Variants in TBC1D4 observed in about 807,000 individuals in gnomAD.
The protein encoded by TBC1D4 is TBC (Tre-2, BUB2, CDC16) domain-containing protein.
TBC1D4 carries 121 observed loss-of-function variants against 142.5 expected under a neutral mutation model. That is an observed-to-expected ratio of 0.85 (90% CI 0.73 to 0.99). The LOEUF is 0.99. Ranked by LOEUF, TBC1D4 falls within the 50% of genes least tolerant of loss-of-function variation. TBC1D4 has a pLI of 0.00. For missense variants in TBC1D4, 1,475 were observed against 1,606.6 expected (o/e 0.92, Z 1.40); for synonymous variants, 630 against 628.2 (o/e 1.00, Z -0.04).
chr13:75,413,084 GA>G (rs1277186494), intron 1 of TBC1D4, among the ~76,000 whole-genome samples: 3 of 152,208 alleles, frequency 2.0e-5, no homozygotes, highest in South Asian at 4.1e-4. Context: ...GAGAGAAGCA[GA>G]TGGTGCCATC....
chr13:75,302,534 T>A (rs1397643021), intron 15 of TBC1D4, 133 bp from the exon 16 acceptor site: 1 of 1,010,202 alleles, frequency 9.9e-7, no homozygotes, highest in Non-Finnish European at 1.5e-6. Context: ...CCACACAATA[T>A]AATTGACAGA....
chr13:75,481,928 C>G lies in TBC1D4; in HGVS notation c.-161G>C. On this transcript the variant is annotated 5_prime_UTR_variant, in exon 1 of 21. Transcript: ENST00000377636. ...GAACTCCGCGCTTCAGCAGCCCTGCCCCATGCAGCACTTCCACGGGCGCGG... is the reference window on the plus strand; with the variant it reads ...GAACTCCGCGCTTCAGCAGCCCTGCGCCATGCAGCACTTCCACGGGCGCGG... The G allele has an allele frequency of 9.4e-7, 1 of 1,064,944 alleles. No homozygotes were observed. The highest frequency in any genetic ancestry group is 1.2e-6 in the Non-Finnish European group (1 of 819,748). 66.0% of individuals were successfully genotyped at this position (1,064,944 alleles called of 1,614,324 possible). A position where few individuals can be genotyped will look rare whatever the true frequency, so the allele number is the denominator to read the frequency against.
intron 7 of TBC1D4, among the ~76,000 whole-genome samples, chr13:75,338,042 G>A (rs73220087): frequency 0.049 from 7,383 of 152,164 alleles, 287 homozygotes; most frequent in Admixed American, 0.11. Flanking sequence ...GGAAGAATTA[G>A]CAATCCAAAT....
chr13:75,299,640 T>G, intron 16 of TBC1D4, 66 bp from the exon 17 acceptor site: 3 of 1,585,352 alleles, frequency 1.9e-6, no homozygotes, highest in Non-Finnish European at 2.6e-6. Context: ...ACAGTGAAAT[T>G]GCAATTCAGT....
intron 1 of TBC1D4, among the ~76,000 whole-genome samples, chr13:75,416,963 G>A (rs879202862): frequency 6.6e-6 from 1 of 152,164 alleles, no homozygotes; most frequent in South Asian, 2.1e-4. Context: ...ATCTTTGTTG[G>A]TTTACTGTGC....
At chr13:75,481,222 A>T (rs1412659762) in intron 1 of TBC1D4, 48 bp downstream of exon 1, 1 of 815,264 alleles carries the variant, frequency 1.2e-6, no homozygotes, top group Admixed American at 2.0e-5. Context: ...CTGCTCCCCG[A>T]TCCCCCAAGG....
chr13:75,474,300 C>T (rs1888538666), intron 1 of TBC1D4, among the ~76,000 whole-genome samples: 1 of 152,224 alleles, frequency 6.6e-6, no homozygotes, highest in Non-Finnish European at 1.5e-5. Flanking sequence ...TGGCTCACGC[C>T]TGTAATCCCA....
At chr13:75,308,251 T>G (rs1566361743) in intron 14 of TBC1D4, among the ~76,000 whole-genome samples, 1 of 152,246 alleles carries the variant, frequency 6.6e-6, no homozygotes, top group African/African-American at 2.4e-5. Flanking sequence ...AAATGTCACC[T>G]CCTTTCTTAA....
At chr13:75,307,681 A>C (rs1377987804) in intron 14 of TBC1D4, among the ~76,000 whole-genome samples, 1 of 152,230 alleles carries the variant, frequency 6.6e-6, no homozygotes, top group Admixed American at 6.5e-5. Context: ...CCATTTCAAA[A>C]GACTTAAAAT....
At chr13:75,375,998 C>A (rs1883485023) in intron 1 of TBC1D4, 1 of 152,138 alleles carries the variant, frequency 6.6e-6, no homozygotes. Flanking sequence ...GTATTCTTTT[C>A]ATAATGATCA....
chr13:75,341,129 G>C lies in TBC1D4; in HGVS notation c.1607C>G (p.Pro536Arg). The change falls in exon 7 of 21, where the codon CCT (proline) becomes CGT (arginine). Residue 536 changes from proline to arginine, a missense_variant. Coordinates refer to ENST00000377636, the MANE Select transcript of TBC1D4 (RefSeq NM_014832.5). ...AAGTAGGAAATATCTTCTCACAGAA[G>C]GGCCTTCCCCGATGTGCACGTGTGT... ...QKTHVHIGEG[P>R]STISNSTIPE... 1 of 1,612,792 alleles carries C rather than the reference G, an allele frequency of 6.2e-7. No individual in the cohort carries two copies. Among genetic ancestry groups the C allele is most frequent in the African/African-American group, 1.3e-5 (1 of 74,840 alleles).
intron 1 of TBC1D4, among the ~76,000 whole-genome samples, chr13:75,374,878 C>A (rs1285023894): frequency 6.6e-6 from 1 of 152,104 alleles, no homozygotes. Flanking sequence ...CAAAACAGCA[C>A]CCACTTCATT....
At position 75,481,669 on chromosome 13, in the gene TBC1D4, A is replaced by C. The variant is rs1267963462; in HGVS notation, c.99T>G (p.Asp33Glu). 1 of 1,601,390 alleles carries C rather than the reference A, an allele frequency of 6.2e-7. No homozygotes were observed. The highest frequency in any genetic ancestry group is 2.3e-5 in the East Asian group (1 of 44,432). Residue 33 changes from aspartate (D) to glutamate (E), a missense_variant, in exon 1 of 21, where the codon GAT becomes GAG. Around this residue, in one of 2 missense-constraint regions of TBC1D4, gnomAD observed 1,227 missense variants for 1,267.7 expected, o/e 0.97. Coordinates refer to ENST00000377636, the MANE Select transcript of TBC1D4 (RefSeq NM_014832.5). ...SAQPGPGKPS[D>E]KRFRLWYVGG... ...CAACGTACCACAGCCGGAACCGCTT[A>C]TCGCTTGGCTTCCCGGGGCCGGGCT...
In TBC1D4 at chr13:75,437,541, G is replaced by A. The variant is rs1416285809; in HGVS notation, c.498+43729C>T. Among the ~76,000 whole-genome samples the A allele has an allele frequency of 9.9e-5, 15 of 152,072 alleles. No homozygotes were observed. The East Asian group carries it at 2.7e-3, about 27-fold the overall frequency. ...TATACTTTAGTTGTCCACAGTATCAGCAGTGCAGTAGCAAAATTATTCCCT... is the reference window on the plus strand; with the variant it reads ...TATACTTTAGTTGTCCACAGTATCAACAGTGCAGTAGCAAAATTATTCCCT... On this transcript the variant is annotated intron_variant, in intron 1 of 20. Transcript: ENST00000377636.
At chr13:75,294,745 T>C in intron 18 of TBC1D4, 109 bp downstream of exon 18, 1 of 1,176,742 alleles carries the variant, frequency 8.5e-7, no homozygotes, top group Non-Finnish European at 1.2e-6. Context: ...AGCAATTTGC[T>C]ATTCTGTATA....
In TBC1D4 at chr13:75,407,273, T is replaced by C. The variant is rs368749194; in HGVS notation, c.499-44666A>G. Among the ~76,000 whole-genome samples, 5 of 152,316 alleles carry C rather than the reference T, an allele frequency of 3.3e-5. No individual in the cohort carries two copies. The East Asian group carries it at 7.7e-4, about 24-fold the overall frequency. ...GGTTCTGAGTTTAAACAGATTTAAA[T>C]AGACTAATAGACCAAGAGTTCTTTC... On this transcript the variant is annotated intron_variant, in intron 1 of 20. Coordinates refer to ENST00000377636, the MANE Select transcript of TBC1D4 (RefSeq NM_014832.5).
At chr13:75,383,799 G>A (rs190380640) in intron 1 of TBC1D4, among the ~76,000 whole-genome samples, 7 of 152,248 alleles carry the variant, frequency 4.6e-5, no homozygotes, top group Non-Finnish European at 7.4e-5. Flanking sequence ...CACTGATAAC[G>A]CGGGGCTACT....
rs774632711 is a variant in TBC1D4, at chr13:75,312,816, G to A, written c.2305C>T (p.Arg769Trp). 39 of 1,614,056 alleles carry A rather than the reference G, an allele frequency of 2.4e-5. No homozygotes were observed. The Admixed American group carries it at 3.5e-4, about 14-fold the overall frequency. Residue 769 changes from arginine to tryptophan, a missense_variant, in exon 13 of 21, where the codon CGG (arginine) becomes TGG (tryptophan). By Grantham distance (101) the Arg-to-Trp change is moderately radical (BLOSUM62 -3). Transcript: ENST00000377636. Reference protein sequence around the residue: ...SVGGTSVTPRRISWRQRIFLR... With the variant: ...SVGGTSVTPRWISWRQRIFLR... Reference sequence around the variant, plus strand: ...AAAATGCGCTGCCGCCAGGAGATCCGGCGAGGAGTGACAGAGGTTCCTCCC... The same window carrying A: ...AAAATGCGCTGCCGCCAGGAGATCCAGCGAGGAGTGACAGAGGTTCCTCCC...
chr13:75,376,969 A>T (rs1322348299), intron 1 of TBC1D4, among the ~76,000 whole-genome samples: 1 of 152,230 alleles, frequency 6.6e-6, no homozygotes, highest in Non-Finnish European at 1.5e-5. Context: ...TTTACGAGCC[A>T]CTGAGGGTTA....
Sources: gnomAD v4.1 joint callset for allele counts (sites outside exome capture counted in the v4.1 genomes callset) on GRCh38, gnomAD v4.1.1 for gene constraint, gnomAD v4.1.1 regional missense constraint, MANE v1.5 for transcripts, NCBI Gene and HGNC (gene_info 2026-07-23, HGNC 2026-07-21) for gene names.